The following SNIP1 variants were observed in gnomAD, a reference collection of about 807,000 sequenced individuals.
SNIP1 encodes the protein Smad nuclear interacting protein 1, also known as smad nuclear-interacting protein 1.
Under a neutral mutation model 37.4 loss-of-function variants are expected in SNIP1, and 23 were observed. The observed-to-expected ratio is 0.61, with a 90% CI of 0.44 to 0.87. SNIP1 has a LOEUF of 0.87. SNIP1 is among the 40% of genes least tolerant of loss of function. SNIP1 has a pLI of 0.00. For missense variants in SNIP1, 459 were observed against 540.4 expected (o/e 0.85, Z 1.49); for synonymous variants, 174 against 200.0 (o/e 0.87, Z 1.10).
rs565685876 is a variant in SNIP1, at chr1:37,534,942, A to G, written c.*2806T>C. On this transcript the variant is annotated 3_prime_UTR_variant, in exon 4 of 4. Transcript: ENST00000296215. ...GGCTAAGATGAACATGAACTTCTAA[A>G]CAGAATGAAAGCTCTAGGATTATGT... The G allele has an allele frequency of 2.0e-5, 3 of 152,176 alleles. No individual in the cohort carries two copies. The South Asian group carries it at 6.2e-4, about 32-fold the overall frequency. 9.4% of individuals were successfully genotyped at this position (152,176 alleles called of 1,614,324 possible). A position where few individuals can be genotyped will look rare whatever the true frequency, so the allele number is the denominator to read the frequency against.
intron 2 of SNIP1, chr1:37,545,039 A>G (rs779002974): frequency 1.3e-6 from 1 of 757,440 alleles, no homozygotes; most frequent in Non-Finnish European, 2.4e-6. Flanking sequence ...CTGGGAGAGC[A>G]GGCTGAATGC....
At chr1:37,547,909 G>A (rs919236401) in intron 2 of SNIP1, among the ~76,000 whole-genome samples, 1 of 151,986 alleles carries the variant, frequency 6.6e-6, no homozygotes, top group Non-Finnish European at 1.5e-5. Flanking sequence ...CACTTTGGGA[G>A]GCCAAGGCAG....
chr1:37,544,135 C>T (rs1643202830), intron 2 of SNIP1, among the ~76,000 whole-genome samples: 1 of 147,408 alleles, frequency 6.8e-6, no homozygotes, highest in Admixed American at 6.8e-5. Context: ...CAAAGAGAGA[C>T]TCCGTCTCAA....
At chr1:37,542,006 GTTTTT>G (rs71053978) in intron 2 of SNIP1, among the ~76,000 whole-genome samples, 1 of 151,664 alleles carries the variant, frequency 6.6e-6, no homozygotes, top group Non-Finnish European at 1.5e-5. Context: ...GATTTGAAAA[GTTTTT>G]TTTTGTTTTA....
rs758291801 is a variant in SNIP1 at position 37,543,908 on chromosome 1, A to AGGG, written c.328-3156_328-3154dup. On this transcript the variant is annotated intron_variant, in intron 2 of 3. Transcript: ENST00000296215. ...GTAATCCCAGCACTTTGGGAGGGCA[A>AGGG]GGGGGGGGGCAGGTCACTTGAGGTC... is the stretch of plus-strand genomic sequence containing the variant. 9.4e-4 allele frequency among the ~76,000 whole-genome samples: 140 copies of AGGG among 148,894 alleles called. 1 individual carries two copies. The highest frequency in any genetic ancestry group is 3.3e-3 in the African/African-American group (135 of 40,410).
chr1:37,552,466 C>T (rs1307251938), intron 2 of SNIP1, 179 bp downstream of exon 2: 2 of 589,874 alleles, frequency 3.4e-6, no homozygotes, highest in Non-Finnish European at 6.2e-6. Flanking sequence ...TTTAAGCAAA[C>T]AAGCAGAAAA....
At position 37,539,620 on chromosome 1, in the gene SNIP1, G is replaced by C. The variant is rs1045748645; in HGVS notation, c.926+537C>G. Among the ~76,000 whole-genome samples the C allele has an allele frequency of 5.3e-5, 8 of 152,224 alleles. 1 individual carries two copies. The highest frequency in any genetic ancestry group is 4.6e-4 in the Admixed American group (7 of 15,278). ...AGCTGCTCGGGAGGCTGAGGCAGGG[G>C]AATCACTTGAACCCGGGATGCAGAG... On this transcript the variant is annotated intron_variant, in intron 3 of 3. Coordinates refer to ENST00000296215, the MANE Select transcript of SNIP1 (RefSeq NM_024700.4).
chr1:37,553,597 T>C (rs12129777), intron 1 of SNIP1, among the ~76,000 whole-genome samples: 8,552 of 152,002 alleles, frequency 0.056, 294 homozygotes, highest in South Asian at 0.14. Context: ...TTTTTTTTTT[T>C]CCCCAGTTTC....
rs763471355 is a variant in SNIP1 at position 37,540,688 on chromosome 1, T to C, written c.395A>G (p.His132Arg). 3 of 1,614,054 alleles carry C rather than the reference T, an allele frequency of 1.9e-6. No individual in the cohort carries two copies. Among genetic ancestry groups the C allele is most frequent in the Non-Finnish European group, 2.5e-6 (3 of 1,180,020 alleles). The part of the protein sequence containing the change: ...RQHREPSEQE[H>R]RRARNSDRDR... ...CCGGTCACTGTTCCTAGCTCTCCTG[T>C]GTTCCTGTTCTGATGGTTCCCTGTG... Residue 132 changes from histidine to arginine, a missense_variant, in exon 3 of 4, where the codon CAC becomes CGC. Transcript: ENST00000296215. This position sits in a 1 kb window ranked among gnomAD's most constrained non-coding sequence, Gnocchi z 5.6.
Position 37,536,198 on chromosome 1 carries a change from C to T in SNIP1, c.*1550G>A, listed in dbSNP as rs113597446. ...TAACTTCTTCTGAATGAACATTAGT[C>T]AGCTGCCCCTCCCACTAGCCAATCT... is the stretch of plus-strand genomic sequence containing the variant. On this transcript the variant is annotated 3_prime_UTR_variant, in exon 4 of 4. Transcript: ENST00000296215. 62 of 152,334 alleles carry T rather than the reference C, an allele frequency of 4.1e-4. No homozygotes were observed. The highest frequency in any genetic ancestry group is 1.4e-3 in the African/African-American group (59 of 41,578). 9.4% of individuals were successfully genotyped at this position (152,334 alleles called of 1,614,324 possible). A position where few individuals can be genotyped will look rare whatever the true frequency, so the allele number is the denominator to read the frequency against.
Position 37,537,782 on chromosome 1 carries a change from T to G in SNIP1, c.1157A>C (p.Asp386Ala). The G allele has an allele frequency of 6.2e-7, 1 of 1,614,172 alleles. No homozygotes were observed. The highest frequency in any genetic ancestry group is 1.1e-5 in the South Asian group (1 of 91,080). Residue 386 changes from aspartate to alanine, a missense_variant, in exon 4 of 4, where the codon GAT (aspartate) becomes GCT (alanine). Coordinates refer to ENST00000296215, the MANE Select transcript of SNIP1 (RefSeq NM_024700.4). Reference sequence around the variant, plus strand: ...AGACACTTCTTCCTCCTCCTCCTCATCCTCGTCATCTTTCCTGTCTATTTC... The same window carrying G: ...AGACACTTCTTCCTCCTCCTCCTCAGCCTCGTCATCTTTCCTGTCTATTTC... The part of the protein sequence containing the change: ...TSEIDRKDDE[D>A]EEEEEEVSDS
In SNIP1 at chr1:37,554,042, G is replaced by A. The variant is rs2148118826; in HGVS notation, c.188C>T (p.Ser63Leu). 4 of 1,584,022 alleles carry A rather than the reference G, an allele frequency of 2.5e-6. No homozygotes were observed. The highest frequency in any genetic ancestry group is 1.9e-4 in the Middle Eastern group (1 of 5,134). The change falls in exon 1 of 4, where the codon TCG becomes TTG. Residue 63 changes from serine to leucine, a missense_variant. Physicochemically the swap from Ser to Leu is moderately radical, Grantham distance 145 (BLOSUM62 -2). Transcript: ENST00000296215. The stretch of plus-strand genomic sequence containing the variant: ...TCGGGCTCGGTTCCCGCGGTGGCCC[G>A]AGCGGGCCGGCTCGCTGGTCGGCGG... ...PSPPTSEPAR[S>L]GHRGNRARGV...
intron 2 of SNIP1, among the ~76,000 whole-genome samples, chr1:37,547,079 C>T (rs1218964195): frequency 3.3e-5 from 5 of 152,156 alleles, no homozygotes; most frequent in Non-Finnish European, 5.9e-5. Flanking sequence ...TTCATCTAAT[C>T]CTAATACTTT....
In SNIP1 at chr1:37,536,262, AC is replaced by A. The variant is rs1269811281; in HGVS notation, c.*1485del. The A allele has an allele frequency of 1.3e-5, 2 of 152,216 alleles. No individual in the cohort carries two copies. The highest frequency in any genetic ancestry group is 4.8e-5 in the African/African-American group (2 of 41,462). The allele number at this position is 152,216 out of a possible 1,614,324, so 9.4% of individuals were successfully genotyped here. ...CACATGGGTATAAAAACAATGGAAA[AC>A]AATCAAATTTAATAGTATCCTAAGT... is the stretch of plus-strand genomic sequence containing the variant. On this transcript the variant is annotated 3_prime_UTR_variant, in exon 4 of 4. Coordinates refer to ENST00000296215, the MANE Select transcript of SNIP1 (RefSeq NM_024700.4).
rs1400425201 is a variant in SNIP1 at position 37,552,758 on chromosome 1, C to A, written c.225-11G>T. 1 of 1,607,374 alleles carries A rather than the reference C, an allele frequency of 6.2e-7. No individual in the cohort carries two copies. The highest frequency in any genetic ancestry group is 8.5e-7 in the Non-Finnish European group (1 of 1,173,860). ...TTTTTGGGTGGGGACCTATTCAGAGCATGGTACACAGGATTTTATCGCAAT... is the reference window on the plus strand; with the variant it reads ...TTTTTGGGTGGGGACCTATTCAGAGAATGGTACACAGGATTTTATCGCAAT... On this transcript the variant is annotated splice_polypyrimidine_tract_variant and intron_variant, in intron 1 of 3. Coordinates refer to ENST00000296215, the MANE Select transcript of SNIP1 (RefSeq NM_024700.4).
In SNIP1 at chr1:37,534,981, T is replaced by A. The variant is rs1203826501; in HGVS notation, c.*2767A>T. On this transcript the variant is annotated 3_prime_UTR_variant, in exon 4 of 4. Transcript: ENST00000296215. ...CTAGGATTATGTCCACTTTAAGAAG[T>A]CTGCTGGTGATATCTGGCTTTAGAG... 4 of 151,260 alleles carry A rather than the reference T, an allele frequency of 2.6e-5. No homozygotes were observed. The East Asian group carries it at 7.8e-4, about 29-fold the overall frequency. 9.4% of individuals were successfully genotyped at this position (151,260 alleles called of 1,614,324 possible).
rs765246787 is a variant in SNIP1, at chr1:37,554,135, T to G, written c.95A>C (p.Glu32Ala). The G allele has an allele frequency of 1.7e-5, 27 of 1,612,814 alleles. No individual in the cohort carries two copies. Among genetic ancestry groups the G allele is most frequent in the African/African-American group, 4.0e-5 (3 of 74,896 alleles). The change falls in exon 1 of 4, where the codon GAG becomes GCG. Residue 32 changes from glutamate to alanine, a missense_variant. Physicochemically the swap from Glu to Ala is moderately radical, Grantham distance 107. Transcript: ENST00000296215. Reference protein sequence around the residue: ...VLPAGVVVKQERLSPEVAPPA... With the variant: ...VLPAGVVVKQARLSPEVAPPA... ...AGGTGCGACTTCTGGGCTGAGACGC[T>G]CCTGCTTCACCACCACCCCCGCCGG...
intron 2 of SNIP1, chr1:37,544,779 C>A: frequency 1.4e-6 from 1 of 729,950 alleles, no homozygotes; most frequent in South Asian, 1.4e-5. Flanking sequence ...ACTGCGCGTC[C>A]CCCTCGCAGG....
At chr1:37,546,338 T>A (rs1367802881) in intron 2 of SNIP1, among the ~76,000 whole-genome samples, 1 of 152,188 alleles carries the variant, frequency 6.6e-6, no homozygotes, top group African/African-American at 2.4e-5. Context: ...TCACCAGGAC[T>A]AATCTCATCA....
Sources: gnomAD v4.1 joint callset for allele counts (sites outside exome capture counted in the v4.1 genomes callset) on GRCh38, gnomAD v4.1.1 for gene constraint, Gnocchi (gnomAD v3.1) non-coding constraint, MANE v1.5 for transcripts, NCBI Gene and HGNC (gene_info 2026-07-23, HGNC 2026-07-21) for gene names.